TRIM49B: variants seen among roughly 807,000 people sequenced by gnomAD.
The protein encoded by TRIM49B is putative tripartite motif-containing protein 49B.
TRIM49B carries 18 observed loss-of-function variants against 31.8 expected under a neutral mutation model. That is an observed-to-expected ratio of 0.57 (90% confidence interval 0.39 to 0.84). The LOEUF is 0.84. Among genes scored for constraint, TRIM49B ranks in the 40% least tolerant of loss-of-function variants. The probability of loss-of-function intolerance (pLI) is 0.00; values close to 1 mark genes in which losing one functional copy is unlikely to be tolerated. For missense variants in TRIM49B, 494 were observed against 538.7 expected (o/e 0.92, Z 0.82); for synonymous variants, 196 against 180.6 (o/e 1.09, Z -0.68).
In TRIM49B at chr11:49,037,799, C is replaced by T. The variant is rs770817222; in HGVS notation, c.1181C>T (p.Thr394Ile). Residue 394 changes from threonine (T) to isoleucine (I), a missense_variant, in exon 7 of 7, where the codon ACC (threonine) becomes ATC (isoleucine). This residue lies in a region of TRIM49B where 233 missense variants were observed against 281.4 expected (regional missense o/e 0.83). Transcript: ENST00000332682. ...GACATTCAACGCAGTCTCTTTACCA[C>T]CTCCCCACTTCTGCTGCAATATATC... ...KNDIQRSLFT[T>I]SPLLLQYIPR... 69 of 1,613,818 alleles carry T rather than the reference C, an allele frequency of 4.3e-5. No individual in the cohort carries two copies. The highest frequency in any genetic ancestry group is 5.9e-6 in the Non-Finnish European group (7 of 1,179,872).
chr11:49,031,588 T>C lies in TRIM49B; in HGVS notation c.-4-8T>C. 1.2e-6 allele frequency: 2 copies of C among 1,612,896 alleles called. No homozygotes were observed. The highest frequency in any genetic ancestry group is 1.1e-5 in the South Asian group (1 of 90,828). On this transcript the variant is annotated splice_region_variant and splice_polypyrimidine_tract_variant and intron_variant, in intron 1 of 6. Transcript: ENST00000332682. ...CCCCAAAATGACATGTTTCTCTTTGTTCCTCAGAAACATGAATTCTGGAAT... is the reference window on the plus strand; with the variant it reads ...CCCCAAAATGACATGTTTCTCTTTGCTCCTCAGAAACATGAATTCTGGAAT...
Position 49,031,997 on chromosome 11 carries a change from C to T in TRIM49B, c.398C>T (p.Ala133Val). The change falls in exon 2 of 7, where the codon GCT becomes GTT. Residue 133 changes from alanine (A) to valine (V), a missense_variant. Coordinates refer to ENST00000332682, the MANE Select transcript of TRIM49B (RefSeq NM_001206626.2). ...DHRHCPIESA[A>V]EEHQEKLLQK... ...AGACACTGTCCCATTGAGTCGGCTG[C>T]TGAGGAACACCAGGTAAGTGATGGC... is the stretch of plus-strand genomic sequence containing the variant. 2 of 1,612,000 alleles carry T rather than the reference C, an allele frequency of 1.2e-6. No homozygotes were observed. Among genetic ancestry groups the T allele is most frequent in the Non-Finnish European group, 1.7e-6 (2 of 1,179,862 alleles).
In TRIM49B at chr11:49,034,170, G is replaced by T. The variant is rs1349443985; in HGVS notation, c.532G>T (p.Ala178Ser). The T allele has an allele frequency of 1.2e-6, 2 of 1,611,778 alleles. No homozygotes were observed. Among genetic ancestry groups the T allele is most frequent in the Non-Finnish European group, 1.7e-6 (2 of 1,179,804 alleles). Residue 178 changes from alanine to serine, a missense_variant, in exon 4 of 7, where the codon GCA becomes TCA. Around this residue, in one of 3 missense-constraint regions of TRIM49B, gnomAD observed 251 missense variants for 232.8 expected, o/e 1.08. Coordinates refer to ENST00000332682, the MANE Select transcript of TRIM49B (RefSeq NM_001206626.2). Reference protein sequence around the residue: ...WKDYVNLRLEAIRAEYQKMPA... With the variant: ...WKDYVNLRLESIRAEYQKMPA... Reference sequence around the variant, plus strand: ...GGATTATGTGAATTTAAGGCTAGAAGCAATTAGAGCTGAGTATCAGAAGAT... The same window carrying T: ...GGATTATGTGAATTTAAGGCTAGAATCAATTAGAGCTGAGTATCAGAAGAT...
At position 49,035,229 on chromosome 11, in the gene TRIM49B, T is replaced by C. The variant is rs79334668; in HGVS notation, c.761+112T>C. 170 of 1,543,008 alleles carry C rather than the reference T, an allele frequency of 1.1e-4. No individual in the cohort carries two copies. In the African/African-American group the frequency reaches 2.3e-3, roughly 20 times the overall value. On this transcript the variant is annotated intron_variant, in intron 5 of 6. Transcript: ENST00000332682. ...ATGGCATAAATAATTAAGATATTGA[T>C]ACCACTTTTTTTTTGCATCTACTTT...
At position 49,037,470 on chromosome 11, in the gene TRIM49B, T is replaced by G. The variant is rs1287401480; in HGVS notation, c.860-8T>G. ...CACGTCTATGCATGTTTTCTCTTTTTTTTGCAGTGCATATTACTCTGCATC... is the reference window on the plus strand; with the variant it reads ...CACGTCTATGCATGTTTTCTCTTTTGTTTGCAGTGCATATTACTCTGCATC... On this transcript the variant is annotated splice_region_variant and splice_polypyrimidine_tract_variant and intron_variant, in intron 6 of 6. Transcript: ENST00000332682. 1.1e-5 allele frequency: 18 copies of G among 1,607,478 alleles called. No individual in the cohort carries two copies. The highest frequency in any genetic ancestry group is 1.5e-5 in the Non-Finnish European group (18 of 1,177,928).
In TRIM49B at chr11:49,031,755, C is replaced by T. The variant is rs1854451078; in HGVS notation, c.156C>T (p.Cys52=). 1.9e-6 allele frequency: 3 copies of T among 1,613,992 alleles called. No homozygotes were observed. The highest frequency in any genetic ancestry group is 1.3e-5 in the African/African-American group (1 of 75,060). ...NWKDSPFLVQ[C]SECTKSTGQI... ...AAGACAGCCCATTTCTTGTCCAGTG[C>T]TCTGAATGCACAAAGTCAACAGGGC... Residue 52 remains cysteine (C), a synonymous_variant, in exon 2 of 7, where the codon TGC becomes TGT. Coordinates refer to ENST00000332682, the MANE Select transcript of TRIM49B (RefSeq NM_001206626.2).
chr11:49,035,630 T>C (rs1177842462), intron 5 of TRIM49B, among the ~76,000 whole-genome samples: 3 of 152,016 alleles, frequency 2.0e-5, no homozygotes, highest in African/African-American at 7.2e-5. Context: ...AGTGCTGGGA[T>C]TACAGGCGTG....
rs1162056301 is a variant in TRIM49B, at chr11:49,035,339, A to ATTTTTTTTTTTTTTTTTTTTTTTTTT, written c.761+235_761+260dup. Among the ~76,000 whole-genome samples, 3 of 56,810 alleles carry ATTTTTTTTTTTTTTTTTTTTTTTTTT rather than the reference A, an allele frequency of 5.3e-5. 1 individual carries two copies. The highest frequency in any genetic ancestry group is 2.8e-4 in the Admixed American group (1 of 3,610). 37.3% of individuals were successfully genotyped at this position (56,810 alleles called of 152,430 possible). A position where few individuals can be genotyped will look rare whatever the true frequency, so the allele number is the denominator to read the frequency against. On this transcript the variant is annotated intron_variant, in intron 5 of 6. Coordinates refer to ENST00000332682, the MANE Select transcript of TRIM49B (RefSeq NM_001206626.2). The stretch of plus-strand genomic sequence containing the variant: ...ACTAAAACAAACAATTTGATTCCTG[A>ATTTTTTTTTTTTTTTTTTTTTTTTTT]TTTTTTTTTTTTTTTTTTTTTTTTT...
intron 1 of TRIM49B, among the ~76,000 whole-genome samples, chr11:49,029,519 T>G (rs1854420548): frequency 6.6e-6 from 1 of 152,246 alleles, no homozygotes; most frequent in Non-Finnish European, 1.5e-5. Flanking sequence ...GATTGTCATC[T>G]CACTTGAATC....
chr11:49,032,240 T>C (rs190349158), intron 2 of TRIM49B, 36 bp from the exon 3 acceptor site: 35 of 1,612,718 alleles, frequency 2.2e-5, no homozygotes, highest in Non-Finnish European at 2.6e-5. Context: ...TATGTCATGG[T>C]CTGCACTGGT....
At chr11:49,036,574 T>C (rs950604118) in intron 6 of TRIM49B, among the ~76,000 whole-genome samples, 176 bp downstream of exon 6, 4 of 151,968 alleles carry the variant, frequency 2.6e-5, no homozygotes, top group Non-Finnish European at 5.9e-5. Flanking sequence ...ATTTATAGCA[T>C]TAAGTTTGAA....
chr11:49,034,789 G>A (rs1854499627), intron 4 of TRIM49B, among the ~76,000 whole-genome samples: 1 of 152,144 alleles, frequency 6.6e-6, no homozygotes, highest in African/African-American at 2.4e-5. Flanking sequence ...TGGGTAACAG[G>A]TTCAGTTAAA....
intron 3 of TRIM49B, among the ~76,000 whole-genome samples, chr11:49,033,052 A>C (rs1854474310): frequency 6.6e-6 from 1 of 152,112 alleles, no homozygotes; most frequent in African/African-American, 2.4e-5. Context: ...TTTTGAGGGA[A>C]TGATAGCTAA....
At chr11:49,030,359 A>T (rs1241335560) in intron 1 of TRIM49B, among the ~76,000 whole-genome samples, 1 of 146,270 alleles carries the variant, frequency 6.8e-6, no homozygotes, top group Non-Finnish European at 1.5e-5. Context: ...AACAAAAAAA[A>T]CTAAAAACAC....
intron 6 of TRIM49B, among the ~76,000 whole-genome samples, chr11:49,036,708 A>G (rs1854534853): frequency 6.6e-6 from 1 of 152,206 alleles, no homozygotes; most frequent in African/African-American, 2.4e-5. Context: ...TGAATTATTT[A>G]ATGTTAAATA....
intron 5 of TRIM49B, among the ~76,000 whole-genome samples, chr11:49,036,073 T>C (rs576694221): frequency 7.7e-4 from 42 of 54,798 alleles, no homozygotes; most frequent in Middle Eastern, 8.6e-3. Flanking sequence ...ACCTTACACA[T>C]TTGGGGCAAA....
chr11:49,037,452 A>T (rs1854546573), intron 6 of TRIM49B, 26 bp from the exon 7 acceptor site: 2 of 1,600,990 alleles, frequency 1.2e-6, no homozygotes, highest in African/African-American at 1.3e-5. Flanking sequence ...TTACACGTCT[A>T]TGCATGTTTT....
At position 49,037,733 on chromosome 11, in the gene TRIM49B, A is replaced by T. The variant is rs758717978; in HGVS notation, c.1115A>T (p.Asp372Val). 1 of 1,613,946 alleles carries T rather than the reference A, an allele frequency of 6.2e-7. No individual in the cohort carries two copies. The highest frequency in any genetic ancestry group is 1.7e-5 in the Admixed American group (1 of 60,026). ...GAGAAGAATCAGAATGAGAAGATAG[A>T]TGGAGAGGATGGACTCTTTCTTCTT... Reference protein sequence around the residue: ...WKEKNQNEKIDGEDGLFLLGC... With the variant: ...WKEKNQNEKIVGEDGLFLLGC... The change falls in exon 7 of 7, where the codon GAT becomes GTT. Residue 372 changes from aspartate (D) to valine (V), a missense_variant. Asp to Val is a radical substitution (Grantham distance 152). Transcript: ENST00000332682.
At chr11:49,029,358 A>G (rs1422853014) in intron 1 of TRIM49B, among the ~76,000 whole-genome samples, 2 of 152,356 alleles carry the variant, frequency 1.3e-5, no homozygotes, top group African/African-American at 4.8e-5. Flanking sequence ...CAGGTTTTAG[A>G]CTTGACTTTA....
Sources: allele counts gnomAD v4.1 joint callset (sites outside exome capture counted in the v4.1 genomes callset), GRCh38; gene constraint gnomAD v4.1.1; regional missense constraint gnomAD v4.1.1; transcripts MANE v1.5; gene names NCBI Gene and HGNC (gene_info 2026-07-23, HGNC 2026-07-21).